TTC13: variants seen among roughly 807,000 people sequenced by gnomAD.
TTC13 encodes tetratricopeptide repeat domain 13.
TTC13 carries 62 observed loss-of-function variants against 120.0 expected under a neutral mutation model. The ratio of observed to expected loss-of-function variants is 0.52; its 90% CI spans 0.42 to 0.64. The LOEUF (loss-of-function observed/expected upper bound fraction) is 0.64, where lower values mean the gene tolerates loss of function less well. Ranked by LOEUF, TTC13 falls within the 30% of genes least tolerant of loss-of-function variation. The pLI is 0.00. For missense variants in TTC13, 824 were observed against 1,050.2 expected, an observed-to-expected ratio of 0.78 and a Z score of 2.98; for synonymous variants, 384 against 393.5, an observed-to-expected ratio of 0.98 and a Z score of 0.28.
chr1:230,910,999 C>T (rs1166288489), intron 20 of TTC13, among the ~76,000 whole-genome samples: 1 of 150,714 alleles, frequency 6.6e-6, no homozygotes, highest in Non-Finnish European at 1.5e-5. Context: ...TTAATGATAC[C>T]TAAAAAACTC....
intron 5 of TTC13, 96 bp from the exon 6 acceptor site, chr1:230,943,994 C>T (rs1674759385): frequency 1.5e-6 from 1 of 652,554 alleles, no homozygotes; most frequent in Non-Finnish European, 2.5e-6. Context: ...AATGATGTAA[C>T]CAATTGTTTA....
Position 230,923,931 on chromosome 1 carries a change from A to G in TTC13, c.1724T>C (p.Ile575Thr), listed in dbSNP as rs1298205914. Reference protein sequence around the residue: ...MFDIAVKWRRIADPDQPVLWL... With the variant: ...MFDIAVKWRRTADPDQPVLWL... ...CAGCACGGGCTGGTCTGGGTCAGCA[A>G]TCCTATAAAACAGAGACCTTTATAA... The change falls in exon 15 of 23, where the codon ATT (isoleucine) becomes ACT (threonine). Residue 575 changes from isoleucine (I) to threonine (T), a missense_variant and splice_region_variant. Physicochemically the swap from Ile to Thr is moderately conservative, Grantham distance 89. This residue lies in a region of TTC13 where 430 missense variants were observed against 626.8 expected (regional missense o/e 0.69). Transcript: ENST00000366661. 6.2e-7 allele frequency: 1 copy of G among 1,612,812 alleles called. No individual in the cohort carries two copies. The highest frequency in any genetic ancestry group is 1.1e-5 in the South Asian group (1 of 90,962).
chr1:230,919,523 C>T lies in TTC13; in HGVS notation c.1983+987G>A, dbSNP rs149335393. On this transcript the variant is annotated intron_variant, in intron 17 of 22. Coordinates refer to ENST00000366661, the MANE Select transcript of TTC13 (RefSeq NM_024525.5). ...TCCAACACATTCATTTTGAGGGGAA[C>T]ACATTCAAACGATGGCATTTACTTC... 2.8e-3 allele frequency among the ~76,000 whole-genome samples: 430 copies of T among 152,312 alleles called. 2 individuals are homozygous for T. Among genetic ancestry groups the T allele is most frequent in the African/African-American group, 9.9e-3 (413 of 41,558 alleles).
At chr1:230,975,872 G>C (rs988635439) in intron 1 of TTC13, among the ~76,000 whole-genome samples, 1 of 152,148 alleles carries the variant, frequency 6.6e-6, no homozygotes, top group African/African-American at 2.4e-5. Context: ...GCCATGTGAC[G>C]GTGGTGTGCA....
Position 230,929,005 on chromosome 1 carries a change from G to A in TTC13, c.1389C>T (p.His463=), listed in dbSNP as rs1673294921. The A allele has an allele frequency of 3.1e-6, 5 of 1,614,170 alleles. No individual in the cohort carries two copies. The highest frequency in any genetic ancestry group is 4.2e-6 in the Non-Finnish European group (5 of 1,180,022). ...DVDLPGSFKD[H]WAKNLPFLIE... ...TGAGGAAAGGCAAATTTTTAGCCCA[G>A]TGGTCCTTAAAGCTTCCAGGCAGAT... Residue 463 remains histidine, a synonymous_variant, in exon 12 of 23, where the codon CAC becomes CAT. Transcript: ENST00000366661.
rs780852688 is a variant in TTC13, at chr1:230,920,560, C to G, written c.1933G>C (p.Glu645Gln). 3.1e-6 allele frequency: 5 copies of G among 1,598,528 alleles called. No individual in the cohort carries two copies. The highest frequency in any genetic ancestry group is 4.3e-6 in the Non-Finnish European group (5 of 1,174,420). Residue 645 changes from glutamate (E) to glutamine (Q), a missense_variant, in exon 17 of 23, where the codon GAA (glutamate) becomes CAA (glutamine). Physicochemically the swap from Glu to Gln is conservative, Grantham distance 29. Around this residue, in one of 4 missense-constraint regions of TTC13, gnomAD observed 226 missense variants for 259.1 expected, o/e 0.87. Transcript: ENST00000366661. ...NNPKGLLEVR[E>Q]ALEKVHKVED... Reference sequence around the variant, plus strand: ...ACTTTGTGTACCTTTTCCAGGGCTTCCCGAACTTCCAGCAATCCTTTAGGA... The same window carrying G: ...ACTTTGTGTACCTTTTCCAGGGCTTGCCGAACTTCCAGCAATCCTTTAGGA...
rs150417421 is a variant in TTC13, at chr1:230,930,004, T to C, written c.1301-911A>G. ...AACTGAATTTTAAACTTTATTTAATTTGAATTAATTTAAACTTACAAACTG... is the reference window on the plus strand; with the variant it reads ...AACTGAATTTTAAACTTTATTTAATCTGAATTAATTTAAACTTACAAACTG... On this transcript the variant is annotated intron_variant, in intron 11 of 22. Transcript: ENST00000366661. 8.1e-3 allele frequency among the ~76,000 whole-genome samples: 1,241 copies of C among 152,370 alleles called. 9 individuals are homozygous for C. Among genetic ancestry groups the C allele is most frequent in the Non-Finnish European group, 0.013 (863 of 68,036 alleles).
rs190552760 is a variant in TTC13, at chr1:230,970,517, G to A, written c.271+8043C>T. Among the ~76,000 whole-genome samples the A allele has an allele frequency of 3.1e-3, 468 of 152,262 alleles. 3 individuals are homozygous for A. Among genetic ancestry groups the A allele is most frequent in the African/African-American group, 0.011 (438 of 41,544 alleles). On this transcript the variant is annotated intron_variant, in intron 1 of 22. Coordinates refer to ENST00000366661, the MANE Select transcript of TTC13 (RefSeq NM_024525.5). ...GAGAGCTGAACTAGGCAGAGGCACC[G>A]GCCACTCATCCACCACAACAGGACA...
rs890953348 is a variant in TTC13, at chr1:230,978,290, A to G, written c.271+270T>C. ...CCCTTCCAACAGTTGCTTCAGACTC[A>G]GGAGAGAGGCCGCCCTGGCCCCAGG... is the stretch of plus-strand genomic sequence containing the variant. On this transcript the variant is annotated intron_variant, in intron 1 of 22. Coordinates refer to ENST00000366661, the MANE Select transcript of TTC13 (RefSeq NM_024525.5). This position sits in a 1 kb window ranked among gnomAD's most constrained non-coding sequence, Gnocchi z 5.6. Among the ~76,000 whole-genome samples the G allele has an allele frequency of 6.6e-6, 1 of 152,256 alleles. No individual in the cohort carries two copies. The highest frequency in any genetic ancestry group is 2.4e-5 in the African/African-American group (1 of 41,580).
chr1:230,951,215 A>G (rs1465385056), intron 4 of TTC13, among the ~76,000 whole-genome samples: 12 of 152,224 alleles, frequency 7.9e-5, no homozygotes, highest in Non-Finnish European at 1.5e-5. Context: ...TGGAGTTAAA[A>G]TACCCTTTAT....
At position 230,954,652 on chromosome 1, in the gene TTC13, T is replaced by C. The variant is rs549956011; in HGVS notation, c.443-249A>G. ...CTATAAAATATCTGCCTACAAGAGA[T>C]ACTGATCTTTTTCTAAGGCCATCAT... On this transcript the variant is annotated intron_variant, in intron 3 of 22. Coordinates refer to ENST00000366661, the MANE Select transcript of TTC13 (RefSeq NM_024525.5). Among the ~76,000 whole-genome samples, 3 of 152,350 alleles carry C rather than the reference T, an allele frequency of 2.0e-5. No homozygotes were observed. The South Asian group carries it at 6.2e-4, about 32-fold the overall frequency.
chr1:230,962,231 C>T (rs1384938157), intron 1 of TTC13, among the ~76,000 whole-genome samples: 1 of 151,146 alleles, frequency 6.6e-6, no homozygotes, highest in Non-Finnish European at 1.5e-5. Context: ...AAATGATACA[C>T]ACTATGAGTC....
chr1:230,956,590 C>A, intron 3 of TTC13: 1 of 390,470 alleles, frequency 2.6e-6, no homozygotes, highest in South Asian at 1.9e-5. Flanking sequence ...ATCAATGAGC[C>A]ATAAAAACAA....
chr1:230,938,499 T>A (rs1042677670), intron 8 of TTC13, among the ~76,000 whole-genome samples: 10 of 152,222 alleles, frequency 6.6e-5, no homozygotes, highest in African/African-American at 2.4e-4. Flanking sequence ...TTTCTGCCCA[T>A]ACTTTCAGTC....
At chr1:230,958,076 C>T in intron 3 of TTC13, 148 bp downstream of exon 3, 1 of 582,342 alleles carries the variant, frequency 1.7e-6, no homozygotes, top group Non-Finnish European at 2.8e-6. Context: ...AATGGAATGT[C>T]ACAAGGGCTG....
chr1:230,921,432 A>G lies in TTC13; in HGVS notation c.1887T>C (p.Leu629=). The part of the protein sequence containing the change: ...KILHFIKDRI[L]VYHGANNPKG... ...AATTAAAGGCTTACCCATGATAAAC[A>G]AGAATTCTGTCTTTAATAAAATGAA... The change falls in exon 16 of 23, where the codon CTT becomes CTC. Residue 629 remains leucine, a synonymous_variant. Coordinates refer to ENST00000366661, the MANE Select transcript of TTC13 (RefSeq NM_024525.5). The G allele has an allele frequency of 6.7e-7, 1 of 1,502,890 alleles. No individual in the cohort carries two copies. Among genetic ancestry groups the G allele is most frequent in the Non-Finnish European group, 9.1e-7 (1 of 1,095,970 alleles). The allele number at this position is 1,502,890 out of a possible 1,614,324, so 93.1% of individuals were successfully genotyped here.
intron 2 of TTC13, among the ~76,000 whole-genome samples, chr1:230,960,944 C>T (rs772238895): frequency 3.6e-4 from 55 of 152,352 alleles, no homozygotes; most frequent in Non-Finnish European, 6.6e-4. Context: ...TACAAATACA[C>T]AAGGCTGCTA....
intron 22 of TTC13, among the ~76,000 whole-genome samples, chr1:230,908,120 G>A (rs1159694747): frequency 2.0e-5 from 3 of 152,172 alleles, no homozygotes; most frequent in Non-Finnish European, 4.4e-5. Context: ...CAGGCCAAGA[G>A]AAGTGAATAC....
chr1:230,932,902 C>T lies in TTC13; in HGVS notation c.983+877G>A, dbSNP rs570832457. On this transcript the variant is annotated intron_variant, in intron 9 of 22. Transcript: ENST00000366661. ...AAGTTAAGCACTCATACCTGCAGAA[C>T]GACCAAGGCAGAACTAAGTCATGAG... 5.9e-5 allele frequency among the ~76,000 whole-genome samples: 9 copies of T among 152,298 alleles called. No homozygotes were observed. The East Asian group carries it at 1.7e-3, about 29-fold the overall frequency.
Sources: gnomAD v4.1 joint callset for allele counts (sites outside exome capture counted in the v4.1 genomes callset) on GRCh38, gnomAD v4.1.1 for gene constraint, gnomAD v4.1.1 regional missense constraint, Gnocchi (gnomAD v3.1) non-coding constraint, MANE v1.5 for transcripts, NCBI Gene and HGNC (gene_info 2026-07-23, HGNC 2026-07-21) for gene names.